Variants in RAD54L2 observed in about 807,000 individuals in gnomAD.
RAD54L2 encodes helicase ARIP4.
A neutral mutation model predicts 138.4 loss-of-function variants in RAD54L2; 27 were observed. That is an observed-to-expected ratio of 0.20 (90% CI 0.14 to 0.27). RAD54L2 has a LOEUF of 0.27. Ranked by LOEUF, RAD54L2 falls within the 10% of genes least tolerant of loss-of-function variation. RAD54L2 has a pLI of 1.00. For synonymous variants in RAD54L2, 644 were observed against 723.2 expected, an observed-to-expected ratio of 0.89 and a Z score of 1.76; for missense variants, 1,396 against 1,890.2, an observed-to-expected ratio of 0.74 and a Z score of 4.85.
In RAD54L2 at chr3:51,629,340, A is replaced by G. The variant is rs972255709; in HGVS notation, c.348A>G (p.Leu116=). 16 of 1,586,870 alleles carry G rather than the reference A, an allele frequency of 1.0e-5. No homozygotes were observed. The highest frequency in any genetic ancestry group is 1.3e-5 in the African/African-American group (1 of 74,406). The change falls in exon 5 of 23, where the codon CTA becomes CTG. Residue 116 remains leucine (L), a synonymous_variant. Coordinates refer to ENST00000684192, the MANE Select transcript of RAD54L2 (RefSeq NM_015106.4). ...CTCTTATGTGAATGTTTAGAAAGCT[A>G]CTCCGGGAGGATCAATTGGAGCCTG... The part of the protein sequence containing the change: ...PSHMRRNIRK[L]LREDQLEPVT...
At chr3:51,573,790 G>A (rs1041554182) in intron 2 of RAD54L2, among the ~76,000 whole-genome samples, 48 of 152,156 alleles carry the variant, frequency 3.2e-4, no homozygotes, top group African/African-American at 1.0e-3. Flanking sequence ...TGGAGAACTA[G>A]GGAAAGAAAT....
chr3:51,662,711 A>G lies in RAD54L2; in HGVS notation c.3695A>G (p.Asn1232Ser), dbSNP rs1475910876. The G allele has an allele frequency of 9.3e-6, 15 of 1,613,870 alleles. 1 individual carries two copies. In the Middle Eastern group the frequency reaches 4.9e-4, roughly 53 times the overall value. Residue 1232 changes from asparagine (N) to serine (S), a missense_variant, in exon 23 of 23, where the codon AAT (asparagine) becomes AGT (serine). This residue lies in a region of RAD54L2 where 634 missense variants were observed against 711.2 expected (regional missense o/e 0.89). Coordinates refer to ENST00000684192, the MANE Select transcript of RAD54L2 (RefSeq NM_015106.4). The surrounding 1 kb of genome is among the most constrained non-coding windows in gnomAD (Gnocchi z 4.6). ...TEPRLGGHCL[N>S]SSLLVTGQPC... ...CCTCGACTAGGGGGTCATTGCCTCA[A>G]TAGTTCCCTCTTGGTGACTGGCCAG...
chr3:51,558,093 A>C (rs1577387129), intron 2 of RAD54L2, among the ~76,000 whole-genome samples: 1 of 151,656 alleles, frequency 6.6e-6, no homozygotes, highest in African/African-American at 2.4e-5. Context: ...CAATCTGCCC[A>C]CCTCAGCTTC....
intron 3 of RAD54L2, among the ~76,000 whole-genome samples, chr3:51,618,194 G>A (rs987693907): frequency 6.7e-6 from 1 of 150,048 alleles, no homozygotes; most frequent in Admixed American, 6.7e-5. Flanking sequence ...AGCCAGGATG[G>A]TCTCGCTCTC....
intron 14 of RAD54L2, among the ~76,000 whole-genome samples, chr3:51,640,795 T>G (rs149249481): frequency 1.7e-4 from 26 of 152,348 alleles, no homozygotes; most frequent in African/African-American, 5.5e-4. Flanking sequence ...TGTATATTCA[T>G]GCAGTGGTAG....
intron 3 of RAD54L2, among the ~76,000 whole-genome samples, chr3:51,600,118 A>T (rs1013174719): frequency 2.0e-4 from 30 of 151,838 alleles, no homozygotes; most frequent in Middle Eastern, 3.4e-3. Flanking sequence ...TTTTTAGTAT[A>T]TTTTTAGTAG....
chr3:51,648,935 G>T (rs1027530105), intron 19 of RAD54L2, among the ~76,000 whole-genome samples: 2 of 152,102 alleles, frequency 1.3e-5, no homozygotes, highest in African/African-American at 2.4e-5. Context: ...ACAGAACAAA[G>T]CTGGACGGAG....
intron 3 of RAD54L2, among the ~76,000 whole-genome samples, chr3:51,601,187 T>A (rs183699189): frequency 5.3e-5 from 8 of 152,262 alleles, no homozygotes; most frequent in Admixed American, 5.2e-4. Context: ...ATTTTTTTTT[T>A]ATCTTTAGTA....
chr3:51,660,276 G>A (rs985189208), intron 22 of RAD54L2, among the ~76,000 whole-genome samples, 158 bp downstream of exon 22: 16 of 151,262 alleles, frequency 1.1e-4, no homozygotes, highest in Non-Finnish European at 2.9e-5. Context: ...ATTTTTGTGT[G>A]GTTTTTTTTT....
chr3:51,565,456 A>G (rs1021723716), intron 2 of RAD54L2, among the ~76,000 whole-genome samples: 2 of 152,192 alleles, frequency 1.3e-5, no homozygotes, highest in African/African-American at 4.8e-5. Flanking sequence ...GGTAGTGACT[A>G]CATAGAAATA....
At chr3:51,607,275 C>T (rs1215807606) in intron 3 of RAD54L2, among the ~76,000 whole-genome samples, 2 of 151,236 alleles carry the variant, frequency 1.3e-5, no homozygotes, top group Non-Finnish European at 2.9e-5. Context: ...TGTTTGTGTC[C>T]CTGGGTACTT....
chr3:51,659,920 C>A, intron 21 of RAD54L2, 106 bp from the exon 22 acceptor site: 1 of 714,134 alleles, frequency 1.4e-6, no homozygotes, highest in Non-Finnish European at 2.4e-6. Context: ...GATGGTATAC[C>A]TAATTGTATA....
chr3:51,627,713 GAA>G lies in RAD54L2; in HGVS notation c.301_302del (p.Lys101GlufsTer60). ...ACCTAGCCTCCGAGGACCCCAAAAA[GAA>G]GAGAGCTCAGAAGCCCTCCCACATG... ...KNLASEDPKK[K>X]RAQKPSHMRR... On this transcript the variant is annotated frameshift_variant, in exon 4 of 23. Transcript: ENST00000684192. LOFTEE classifies it high-confidence loss of function. 6.2e-7 allele frequency: 1 copy of G among 1,613,856 alleles called. No individual in the cohort carries two copies. The highest frequency in any genetic ancestry group is 8.5e-7 in the Non-Finnish European group (1 of 1,179,832).
intron 3 of RAD54L2, among the ~76,000 whole-genome samples, chr3:51,623,667 T>C (rs975954102): frequency 2.6e-5 from 4 of 152,128 alleles, no homozygotes; most frequent in African/African-American, 9.7e-5. Flanking sequence ...GGCTTCAATG[T>C]CTCATATTTA....
intron 2 of RAD54L2, among the ~76,000 whole-genome samples, chr3:51,542,667 G>C (rs1431484925): frequency 6.6e-6 from 1 of 152,108 alleles, no homozygotes; most frequent in African/African-American, 2.4e-5. Flanking sequence ...GTTTCATCGT[G>C]TTAGCCAGGA....
rs747078994 is a variant in RAD54L2, at chr3:51,660,082, C to T, written c.3373C>T (p.Pro1125Ser). The change falls in exon 22 of 23, where the codon CCA becomes TCA. Residue 1125 changes from proline (P) to serine (S), a missense_variant. Transcript: ENST00000684192. ...RIFAVRATGK[P>S]KVPEDGRMAA... is the part of the protein sequence containing the mutation. ...CTTTGCTGTCCGGGCAACTGGCAAA[C>T]CAAAGGTTCCTGAAGATGGTCGGAT... 1.2e-5 allele frequency: 19 copies of T among 1,600,584 alleles called. No homozygotes were observed. The Admixed American group carries it at 2.0e-4, about 17-fold the overall frequency.
At chr3:51,604,124 A>G (rs1700131890) in intron 3 of RAD54L2, among the ~76,000 whole-genome samples, 2 of 152,214 alleles carry the variant, frequency 1.3e-5, no homozygotes, top group Non-Finnish European at 2.9e-5. Flanking sequence ...GGTCAAATGG[A>G]TATAGATTGT....
At chr3:51,542,941 A>T (rs1698590432) in intron 2 of RAD54L2, among the ~76,000 whole-genome samples, 1 of 152,172 alleles carries the variant, frequency 6.6e-6, no homozygotes, top group Admixed American at 6.6e-5. Context: ...AAAGTATACC[A>T]GGCAGCATTG....
chr3:51,543,941 C>T (rs1698622967), intron 2 of RAD54L2, among the ~76,000 whole-genome samples: 1 of 152,126 alleles, frequency 6.6e-6, no homozygotes, highest in African/African-American at 2.4e-5. Context: ...AAGCAGAATG[C>T]CTCTCTTCTG....
Sources: gnomAD v4.1 joint callset for allele counts (sites outside exome capture counted in the v4.1 genomes callset) on GRCh38, gnomAD v4.1.1 for gene constraint, gnomAD v4.1.1 regional missense constraint, Gnocchi (gnomAD v3.1) non-coding constraint, MANE v1.5 for transcripts, NCBI Gene and HGNC (gene_info 2026-07-23, HGNC 2026-07-21) for gene names.